The following ITPKB variants were observed in gnomAD, a reference collection of about 807,000 sequenced individuals.
The protein encoded by ITPKB is IP3 3-kinase B.
Under a neutral mutation model 69.4 loss-of-function variants are expected in ITPKB, and 13 were observed. That is an observed-to-expected ratio of 0.19 (90% CI 0.12 to 0.30). ITPKB has a LOEUF of 0.30. Among genes scored for constraint, ITPKB ranks in the 10% least tolerant of loss-of-function variants. The pLI, the probability that ITPKB is intolerant of heterozygous loss-of-function variation, is 1.00. For synonymous variants in ITPKB, 584 were observed against 513.7 expected, an observed-to-expected ratio of 1.14 and a Z score of -1.85; for missense variants, 1,240 against 1,250.5, an observed-to-expected ratio of 0.99 and a Z score of 0.13.
chr1:226,723,359 G>C (rs115696297), intron 2 of ITPKB, among the ~76,000 whole-genome samples: 3 of 152,122 alleles, frequency 2.0e-5, no homozygotes, highest in African/African-American at 7.2e-5. Context: ...CCTGTGAATG[G>C]ACACGTGACG....
intron 2 of ITPKB, among the ~76,000 whole-genome samples, chr1:226,711,442 A>AGAGAGTGTGT (rs1491474441): frequency 5.9e-5 from 6 of 102,358 alleles, no homozygotes; most frequent in African/African-American, 2.1e-4. Context: ...AGAGAGAGAG[A>AGAGAGTGTGT]GTGTGTGTGT....
rs546282207 is a variant in ITPKB, at chr1:226,667,020, C to A, written c.1933-18249G>T. Among the ~76,000 whole-genome samples the A allele has an allele frequency of 2.0e-5, 3 of 152,358 alleles. No individual in the cohort carries two copies. The South Asian group carries it at 6.2e-4, about 32-fold the overall frequency. On this transcript the variant is annotated intron_variant, in intron 2 of 7. Transcript: ENST00000429204. The stretch of plus-strand genomic sequence containing the variant: ...TGTGCTGGCCCCTCTGGCTGGAAGA[C>A]CCTTCCCCTAACCTACCGAGAGAAC...
intron 2 of ITPKB, among the ~76,000 whole-genome samples, chr1:226,649,370 ATG>A (rs1669127839): frequency 8.7e-6 from 1 of 114,630 alleles, no homozygotes; most frequent in East Asian, 2.7e-4. Flanking sequence ...GCATGTGTGC[ATG>A]TGATTGTGTG....
rs540964321 is a variant in ITPKB at position 226,650,845 on chromosome 1, C to T, written c.1933-2074G>A. 2.6e-5 allele frequency among the ~76,000 whole-genome samples: 4 copies of T among 152,262 alleles called. No individual in the cohort carries two copies. In the East Asian group the frequency reaches 5.8e-4, roughly 22 times the overall value. ...TCCTGGGGCCTCAGTTTCCTGTGTC[C>T]GGTGAGGGACAGACAGCTGGTATAC... is the stretch of plus-strand genomic sequence containing the variant. On this transcript the variant is annotated intron_variant, in intron 2 of 7. Coordinates refer to ENST00000429204, the MANE Select transcript of ITPKB (RefSeq NM_002221.4).
chr1:226,697,519 A>T (rs889948960), intron 2 of ITPKB, among the ~76,000 whole-genome samples: 5 of 152,182 alleles, frequency 3.3e-5, no homozygotes, highest in Admixed American at 6.6e-5. Context: ...AGGTCAGGTG[A>T]GGGAATCTCT....
chr1:226,735,921 A>G lies in ITPKB; in HGVS notation c.1538T>C (p.Met513Thr), dbSNP rs1657737938. The G allele has an allele frequency of 6.2e-7, 1 of 1,613,908 alleles. No individual in the cohort carries two copies. The highest frequency in any genetic ancestry group is 8.5e-7 in the Non-Finnish European group (1 of 1,179,874). The change falls in exon 2 of 8, where the codon ATG becomes ACG. Residue 513 changes from methionine to threonine, a missense_variant. Coordinates refer to ENST00000429204, the MANE Select transcript of ITPKB (RefSeq NM_002221.4). ...PGNSRVWQGT[M>T]EKAGLAWTRG... ...CGTCCAAGCCAAACCGGCTTTCTCC[A>G]TGGTGCCCTGCCAAACCCTGGAGTT... is the stretch of plus-strand genomic sequence containing the variant.
At chr1:226,651,194 A>C (rs1669184931) in intron 2 of ITPKB, among the ~76,000 whole-genome samples, 1 of 152,072 alleles carries the variant, frequency 6.6e-6, no homozygotes, top group Non-Finnish European at 1.5e-5. Flanking sequence ...CGGGGACTGG[A>C]ACTGGGAGTG....
intron 6 of ITPKB, among the ~76,000 whole-genome samples, chr1:226,638,084 G>A (rs551286843): frequency 1.2e-4 from 18 of 152,320 alleles, no homozygotes; most frequent in Non-Finnish European, 1.6e-4. Context: ...TCTCACCCCC[G>A]GGCTGCCTTG....
At chr1:226,635,289 C>G (rs1028570530) in intron 7 of ITPKB, among the ~76,000 whole-genome samples, 2 of 152,128 alleles carry the variant, frequency 1.3e-5, no homozygotes, top group Non-Finnish European at 2.9e-5. Context: ...GGTGCAACCT[C>G]AGCTTACTGT....
intron 2 of ITPKB, among the ~76,000 whole-genome samples, chr1:226,649,121 G>T (rs1375518983): frequency 6.6e-6 from 1 of 152,232 alleles, no homozygotes; most frequent in Non-Finnish European, 1.5e-5. Flanking sequence ...CCTGCGAGTG[G>T]TTTGAAGAGA....
At chr1:226,688,163 C>T (rs1260926990) in intron 2 of ITPKB, among the ~76,000 whole-genome samples, 1 of 152,200 alleles carries the variant, frequency 6.6e-6, no homozygotes, top group Non-Finnish European at 1.5e-5. Flanking sequence ...ATGATTAAGC[C>T]CCTATGAAAT....
chr1:226,689,024 T>TCA (rs758970639), intron 2 of ITPKB, among the ~76,000 whole-genome samples: 1 of 152,124 alleles, frequency 6.6e-6, no homozygotes, highest in Admixed American at 6.5e-5. Context: ...CAGATGGTGA[T>TCA]CAACACAGCC....
chr1:226,737,666 G>T lies in ITPKB; in HGVS notation c.-205-3C>A. 1 of 1,031,764 alleles carries T rather than the reference G, an allele frequency of 9.7e-7. No homozygotes were observed. The highest frequency in any genetic ancestry group is 1.2e-6 in the Non-Finnish European group (1 of 845,764). 63.9% of individuals were successfully genotyped at this position (1,031,764 alleles called of 1,614,324 possible). A position where few individuals can be genotyped will look rare whatever the true frequency, so the allele number is the denominator to read the frequency against. The stretch of plus-strand genomic sequence containing the variant: ...AAGCTCCATAAACAACCGTGCGGCT[G>T]TGGAGATACAAGGAGAAAAGTCAGG... On this transcript the variant is annotated splice_polypyrimidine_tract_variant and splice_region_variant and intron_variant, in intron 1 of 7. Coordinates refer to ENST00000429204, the MANE Select transcript of ITPKB (RefSeq NM_002221.4).
At chr1:226,652,739 G>C (rs1417138807) in intron 2 of ITPKB, among the ~76,000 whole-genome samples, 1 of 152,228 alleles carries the variant, frequency 6.6e-6, no homozygotes, top group Non-Finnish European at 1.5e-5. Context: ...CAGGGGAATC[G>C]AGACATCCCT....
In ITPKB at chr1:226,736,262, G is replaced by A. The variant is rs1243966600; in HGVS notation, c.1197C>T (p.Ser399=). ...VGKRPEETTV[S]VQSAESSDSL... is the part of the protein sequence containing the mutation. Reference sequence around the variant, plus strand: ...AATCAGAGGACTCTGCGCTTTGCACGCTCACAGTCGTCTCCTCTGGCCTTT... The same window carrying A: ...AATCAGAGGACTCTGCGCTTTGCACACTCACAGTCGTCTCCTCTGGCCTTT... The change falls in exon 2 of 8, where the codon AGC becomes AGT. Residue 399 remains serine, a synonymous_variant. Transcript: ENST00000429204. 2 of 1,572,936 alleles carry A rather than the reference G, an allele frequency of 1.3e-6. No individual in the cohort carries two copies.
chr1:226,722,565 T>G (rs1476151434), intron 2 of ITPKB, among the ~76,000 whole-genome samples: 1 of 152,206 alleles, frequency 6.6e-6, no homozygotes, highest in East Asian at 1.9e-4. Context: ...TCGAAACTAA[T>G]TACCATTCTG....
chr1:226,648,479 C>G (rs753097905), intron 3 of ITPKB, among the ~76,000 whole-genome samples, 193 bp downstream of exon 3: 2 of 152,156 alleles, frequency 1.3e-5, no homozygotes, highest in East Asian at 3.9e-4. Context: ...ACACAGACTC[C>G]AGAGAGGTCC....
At chr1:226,701,461 G>A (rs1325431641) in intron 2 of ITPKB, among the ~76,000 whole-genome samples, 2 of 151,408 alleles carry the variant, frequency 1.3e-5, no homozygotes, top group African/African-American at 2.4e-5. Context: ...AAAATTAGCC[G>A]GGCGTGGTGG....
At chr1:226,723,581 G>C (rs961944712) in intron 2 of ITPKB, among the ~76,000 whole-genome samples, 50 of 151,998 alleles carry the variant, frequency 3.3e-4, no homozygotes, top group African/African-American at 1.1e-3. Flanking sequence ...GTGGGTGTGT[G>C]TGTATAGAGA....
Sources: gnomAD v4.1 joint callset for allele counts (sites outside exome capture counted in the v4.1 genomes callset) on GRCh38, gnomAD v4.1.1 for gene constraint, MANE v1.5 for transcripts, NCBI Gene and HGNC (gene_info 2026-07-23, HGNC 2026-07-21) for gene names.